The following IL33 variants were observed in gnomAD, a reference collection of about 807,000 sequenced individuals.
The protein encoded by IL33 is interleukin 33, also known as interleukin-33.
In IL33, 37 loss-of-function variants were observed where a neutral mutation model predicts 27.3. The observed-to-expected ratio is 1.36, with a 90% CI of 1.04 to 1.78. IL33 has a LOEUF of 1.78. IL33 is among the 40% of genes most tolerant of loss of function. The pLI, the probability that IL33 is intolerant of heterozygous loss-of-function variation, is 0.00. For missense variants in IL33, 406 were observed against 311.4 expected, an observed-to-expected ratio of 1.30 and a Z score of -2.29; for synonymous variants, 132 against 102.9, an observed-to-expected ratio of 1.28 and a Z score of -1.71.
At chr9:6,251,967 A>T (rs925600518) in intron 4 of IL33, among the ~76,000 whole-genome samples, 9 of 151,164 alleles carry the variant, frequency 6.0e-5, no homozygotes, top group African/African-American at 1.9e-4. Flanking sequence ...TTGAACCTTG[A>T]CAGAGGTTGC....
chr9:6,228,506 A>T (rs1436643815), intron 1 of IL33, among the ~76,000 whole-genome samples: 1 of 151,710 alleles, frequency 6.6e-6, no homozygotes, highest in South Asian at 2.1e-4. Context: ...TCTATGTTCC[A>T]TGTTGTTTTT....
Position 6,253,531 on chromosome 9 carries a change from AT to A in IL33, c.470-17del. ...AACAAAATTGTGTCTCACCAGAGGG[AT>A]TTTATGCATTCTCTTTCAGATAAGG... is the stretch of plus-strand genomic sequence containing the variant. On this transcript the variant is annotated intron_variant, in intron 5 of 7. Coordinates refer to ENST00000682010, the MANE Select transcript of IL33 (RefSeq NM_033439.4). 1 of 1,581,864 alleles carries A rather than the reference AT, an allele frequency of 6.3e-7. No homozygotes were observed. The highest frequency in any genetic ancestry group is 8.6e-7 in the Non-Finnish European group (1 of 1,156,986).
At chr9:6,237,043 G>A (rs1196842771) in intron 1 of IL33, among the ~76,000 whole-genome samples, 1 of 152,122 alleles carries the variant, frequency 6.6e-6, no homozygotes, top group African/African-American at 2.4e-5. Context: ...CCATGTGTGT[G>A]TGTGTCTATA....
intron 2 of IL33, among the ~76,000 whole-genome samples, chr9:6,248,797 T>G (rs929444043): frequency 6.6e-6 from 1 of 152,044 alleles, no homozygotes; most frequent in Non-Finnish European, 1.5e-5. Flanking sequence ...CAGGCTGGTC[T>G]TGAATGTCTA....
intron 1 of IL33, among the ~76,000 whole-genome samples, chr9:6,226,258 T>C (rs550600326): frequency 6.6e-6 from 1 of 152,094 alleles, no homozygotes; most frequent in South Asian, 2.1e-4. Flanking sequence ...CAAGAGATCA[T>C]CCCACCTCAG....
chr9:6,256,333 A>T lies in IL33; in HGVS notation c.*165A>T. 1 of 591,900 alleles carries T rather than the reference A, an allele frequency of 1.7e-6. No homozygotes were observed. The highest frequency in any genetic ancestry group is 2.3e-5 in the South Asian group (1 of 43,752). The allele number at this position is 591,900 out of a possible 1,614,324, so 36.7% of individuals were successfully genotyped here. ...ATAAAAATATTTTTTCTAATCCTCC[A>T]GTTATTCTTTTATTTCCCTCTGTAT... On this transcript the variant is annotated 3_prime_UTR_variant, in exon 8 of 8. Coordinates refer to ENST00000682010, the MANE Select transcript of IL33 (RefSeq NM_033439.4).
intron 5 of IL33, 129 bp from the exon 6 acceptor site, chr9:6,253,423 C>T: frequency 3.3e-6 from 2 of 597,026 alleles, no homozygotes; most frequent in Non-Finnish European, 5.8e-6. Flanking sequence ...TTTCTCAAAA[C>T]CACAAAAGAT....
intron 1 of IL33, among the ~76,000 whole-genome samples, chr9:6,229,860 G>A (rs1818842287): frequency 6.6e-6 from 1 of 152,086 alleles, no homozygotes; most frequent in South Asian, 2.1e-4. Context: ...AGGGAGAGAG[G>A]AAACAATAAA....
chr9:6,241,203 G>A (rs1208630642), intron 1 of IL33, among the ~76,000 whole-genome samples: 1 of 152,268 alleles, frequency 6.6e-6, no homozygotes, highest in East Asian at 1.9e-4. Flanking sequence ...TTAATAAGTA[G>A]AAGGAACACA....
intron 4 of IL33, among the ~76,000 whole-genome samples, chr9:6,252,629 T>G (rs553029781): frequency 1.3e-4 from 20 of 152,260 alleles, no homozygotes; most frequent in Admixed American, 1.2e-3. Flanking sequence ...AACCCTCCCA[T>G]AAGCACACTC....
intron 1 of IL33, among the ~76,000 whole-genome samples, chr9:6,236,873 AAAAT>A (rs1319129617): frequency 3.3e-5 from 5 of 152,350 alleles, no homozygotes; most frequent in African/African-American, 1.2e-4. Flanking sequence ...TCTGTCTCAA[AAAAT>A]AAATAAATAA....
chr9:6,253,548 T>G lies in IL33; in HGVS notation c.470-4T>G, dbSNP rs1015911117. On this transcript the variant is annotated splice_polypyrimidine_tract_variant and splice_region_variant and intron_variant, in intron 5 of 7. Transcript: ENST00000682010. ...CCAGAGGGATTTTATGCATTCTCTT[T>G]CAGATAAGGTGTTACTGAGTTACTA... The G allele has an allele frequency of 3.1e-6, 5 of 1,598,290 alleles. No homozygotes were observed. In the South Asian group the frequency reaches 5.6e-5, roughly 18 times the overall value.
At chr9:6,233,716 CATT>C (rs1819041265) in intron 1 of IL33, among the ~76,000 whole-genome samples, 6 of 152,062 alleles carry the variant, frequency 3.9e-5, no homozygotes. Flanking sequence ...TGAAAATTTT[CATT>C]ATTATTAAGA....
intron 6 of IL33, 47 bp from the exon 7 acceptor site, chr9:6,254,415 T>C: frequency 2.5e-6 from 3 of 1,214,676 alleles, no homozygotes; most frequent in Middle Eastern, 2.0e-4. Flanking sequence ...TAAATAAAGA[T>C]GAGTTACAGT....
Position 6,252,939 on chromosome 9 carries a change from G to T in IL33, c.417G>T (p.Glu139Asp). Residue 139 changes from glutamate to aspartate, a missense_variant, in exon 5 of 8, where the codon GAG becomes GAT. Physicochemically the swap from Glu to Asp is conservative, Grantham distance 45. Transcript: ENST00000682010. The stretch of plus-strand genomic sequence containing the variant: ...ATCAATCCATTACTTTTGCTTTGGA[G>T]GATGAAAGTTATGAGATATATGTTG... Reference protein sequence around the residue: ...YNDQSITFALEDESYEIYVED... With the variant: ...YNDQSITFALDDESYEIYVED... The T allele has an allele frequency of 6.3e-7, 1 of 1,597,680 alleles. No individual in the cohort carries two copies. Among genetic ancestry groups the T allele is most frequent in the Non-Finnish European group, 8.6e-7 (1 of 1,166,962 alleles).
intron 1 of IL33, among the ~76,000 whole-genome samples, chr9:6,230,818 A>G (rs930074632): frequency 2.0e-5 from 3 of 152,178 alleles, no homozygotes; most frequent in African/African-American, 7.2e-5. Flanking sequence ...CTGGGATTCA[A>G]TTATGCCCCA....
chr9:6,221,321 A>G (rs1818402553), intron 1 of IL33, among the ~76,000 whole-genome samples: 1 of 152,238 alleles, frequency 6.6e-6, no homozygotes, highest in Admixed American at 6.5e-5. Flanking sequence ...AAAAAATTAG[A>G]TGCTATTAAC....
intron 2 of IL33, among the ~76,000 whole-genome samples, chr9:6,248,272 G>C (rs1819995370): frequency 8.7e-6 from 1 of 115,032 alleles, no homozygotes; most frequent in Non-Finnish European, 1.6e-5. Context: ...TTGAGACAGA[G>C]TCTCGCTCTG....
chr9:6,232,498 A>C (rs1419576170), intron 1 of IL33, among the ~76,000 whole-genome samples: 1 of 152,088 alleles, frequency 6.6e-6, no homozygotes, highest in East Asian at 1.9e-4. Flanking sequence ...GATGTTCCCC[A>C]CCCACACACA....
Sources: gnomAD v4.1 joint callset for allele counts (sites outside exome capture counted in the v4.1 genomes callset) on GRCh38, gnomAD v4.1.1 for gene constraint, MANE v1.5 for transcripts, NCBI Gene and HGNC (gene_info 2026-07-23, HGNC 2026-07-21) for gene names.